MECOM: variants seen among roughly 807,000 people sequenced by gnomAD.
The protein encoded by MECOM is histone-lysine N-methyltransferase MECOM.
A neutral mutation model predicts 116.3 loss-of-function variants in MECOM; 13 were observed. The ratio of observed to expected loss-of-function variants is 0.11; its 90% CI spans 0.07 to 0.18. The LOEUF is 0.18. Ranked by LOEUF, MECOM falls within the 10% of genes least tolerant of loss-of-function variation. The pLI, the probability that MECOM is intolerant of heterozygous loss-of-function variation, is 1.00. For synonymous variants in MECOM, 528 were observed against 535.2 expected, an observed-to-expected ratio of 0.99 and a Z score of 0.19; for missense variants, 1,299 against 1,509.0, an observed-to-expected ratio of 0.86 and a Z score of 2.31.
At chr3:169,202,550 T>C (rs1322861317) in intron 2 of MECOM, among the ~76,000 whole-genome samples, 2 of 152,092 alleles carry the variant, frequency 1.3e-5, no homozygotes, top group Non-Finnish European at 2.9e-5. Context: ...TACATTAAGA[T>C]TCCAGCATCT....
chr3:169,575,696 G>A (rs186089381), intron 1 of MECOM, among the ~76,000 whole-genome samples: 3 of 152,232 alleles, frequency 2.0e-5, no homozygotes, highest in East Asian at 3.9e-4. Flanking sequence ...CTAGTGAAGT[G>A]GTGTGTCGTT....
rs541898482 is a variant in MECOM at position 169,164,840 on chromosome 3, G to T, written c.376-21008C>A. Among the ~76,000 whole-genome samples the T allele has an allele frequency of 7.2e-4, 110 of 152,214 alleles. 1 individual carries two copies. Among genetic ancestry groups the T allele is most frequent in the African/African-American group, 2.5e-3 (103 of 41,548 alleles). On this transcript the variant is annotated intron_variant, in intron 2 of 16. Coordinates refer to ENST00000651503, the MANE Select transcript of MECOM (RefSeq NM_004991.4). The stretch of plus-strand genomic sequence containing the variant: ...TCTAGCATATCTGTCCTTGCTATTT[G>T]TTTCCTTATCTGATTATTTACACTA...
chr3:169,231,477 C>T (rs1340120524), intron 2 of MECOM, among the ~76,000 whole-genome samples: 2 of 152,014 alleles, frequency 1.3e-5, no homozygotes, highest in African/African-American at 2.4e-5. Context: ...AGATGAAGGA[C>T]ATTTTTAAAA....
chr3:169,149,246 G>A (rs1215057808), intron 2 of MECOM, among the ~76,000 whole-genome samples: 1 of 152,116 alleles, frequency 6.6e-6, no homozygotes, highest in Non-Finnish European at 1.5e-5. Context: ...TGATCAGGGG[G>A]TCTGGGAGCT....
intron 1 of MECOM, among the ~76,000 whole-genome samples, chr3:169,434,783 G>GT (rs1272930833): frequency 6.6e-6 from 1 of 152,146 alleles, no homozygotes; most frequent in Non-Finnish European, 1.5e-5. Context: ...AGTGTTAAAT[G>GT]TTTTTGTTGT....
chr3:169,100,045 C>T (rs1270915043), intron 12 of MECOM, among the ~76,000 whole-genome samples: 1 of 151,176 alleles, frequency 6.6e-6, no homozygotes, highest in Non-Finnish European at 1.5e-5. Context: ...TTTTCTTCTC[C>T]CCTGACTTCC....
intron 2 of MECOM, among the ~76,000 whole-genome samples, chr3:169,347,678 T>C (rs770089236): frequency 4.6e-5 from 7 of 152,012 alleles, no homozygotes; most frequent in Non-Finnish European, 7.4e-5. Context: ...AAGCATTCAA[T>C]TACTCTCACC....
intron 1 of MECOM, among the ~76,000 whole-genome samples, chr3:169,617,501 T>C (rs901978445): frequency 1.3e-5 from 2 of 152,218 alleles, no homozygotes; most frequent in Non-Finnish European, 2.9e-5. Context: ...GTATACTGTA[T>C]AGTGCTTGTC....
chr3:169,659,859 T>C (rs1776049646), intron 1 of MECOM, among the ~76,000 whole-genome samples: 1 of 152,062 alleles, frequency 6.6e-6, no homozygotes, highest in African/African-American at 2.4e-5. Flanking sequence ...CATCTACCTT[T>C]CCTACTTCAG....
intron 14 of MECOM, 80 bp from the exon 15 acceptor site, chr3:169,090,316 C>T (rs1719268285): frequency 3.1e-6 from 4 of 1,271,592 alleles, no homozygotes; most frequent in Non-Finnish European, 4.3e-6. Flanking sequence ...TATGTCTTCC[C>T]AACAACAGTT....
intron 2 of MECOM, among the ~76,000 whole-genome samples, chr3:169,314,946 G>A (rs1560120773): frequency 6.6e-6 from 1 of 152,178 alleles, no homozygotes; most frequent in Non-Finnish European, 1.5e-5. Flanking sequence ...CATTTGTTAA[G>A]TAACTACTAT....
At chr3:169,562,482 C>T (rs1464676473) in intron 1 of MECOM, among the ~76,000 whole-genome samples, 3 of 152,082 alleles carry the variant, frequency 2.0e-5, no homozygotes, top group Non-Finnish European at 4.4e-5. Context: ...AAGATTGCAG[C>T]GTATTATGGT....
intron 1 of MECOM, among the ~76,000 whole-genome samples, chr3:169,661,363 G>A (rs186779557): frequency 2.6e-4 from 35 of 136,760 alleles, no homozygotes; most frequent in African/African-American, 9.4e-4. Flanking sequence ...ATCGAAGCCC[G>A]CAAACCTCAA....
chr3:169,428,298 T>C (rs1331901902), intron 1 of MECOM, among the ~76,000 whole-genome samples: 1 of 152,234 alleles, frequency 6.6e-6, no homozygotes, highest in African/African-American at 2.4e-5. Flanking sequence ...AATTTTTTCA[T>C]GGACTGTGGG....
chr3:169,244,157 A>T (rs548949436), intron 2 of MECOM, among the ~76,000 whole-genome samples: 9 of 152,148 alleles, frequency 5.9e-5, no homozygotes, highest in Non-Finnish European at 1.2e-4. Flanking sequence ...TCTCCTCTTA[A>T]TCTCCTCAGA....
intron 16 of MECOM, chr3:169,086,505 CT>C (rs1717790144): frequency 1.4e-6 from 1 of 693,312 alleles, no homozygotes; most frequent in Non-Finnish European, 2.6e-6. Context: ...AAACCTGCCT[CT>C]ACTCACCTAG....
chr3:169,595,789 T>C (rs1767060006), intron 1 of MECOM, among the ~76,000 whole-genome samples: 1 of 152,186 alleles, frequency 6.6e-6, no homozygotes, highest in Admixed American at 6.5e-5. Flanking sequence ...AGGATACGTA[T>C]ACTGTGGGGA....
chr3:169,225,735 G>A (rs958586981), intron 2 of MECOM, among the ~76,000 whole-genome samples: 8 of 152,134 alleles, frequency 5.3e-5, no homozygotes, highest in African/African-American at 1.4e-4. Context: ...TCAGCCTCCT[G>A]CGTAGCTGGG....
chr3:169,088,279 G>A (rs1560106062), intron 16 of MECOM, among the ~76,000 whole-genome samples: 1 of 152,114 alleles, frequency 6.6e-6, no homozygotes. Context: ...AAACAAAAAA[G>A]TACCGACTTC....
Sources: allele counts gnomAD v4.1 joint callset (sites outside exome capture counted in the v4.1 genomes callset), GRCh38; gene constraint gnomAD v4.1.1; transcripts MANE v1.5; gene names NCBI Gene and HGNC (gene_info 2026-07-23, HGNC 2026-07-21).